Variants in BPTF observed in about 807,000 individuals in gnomAD.
The protein encoded by BPTF is bromodomain PHD finger transcription factor, also known as nucleosome-remodeling factor subunit BPTF.
BPTF carries 18 observed loss-of-function variants against 292.5 expected under a neutral mutation model. That is an observed-to-expected ratio of 0.06 (90% CI 0.04 to 0.09). The LOEUF is 0.09. BPTF is among the 10% of genes least tolerant of loss of function. The pLI is 1.00. For synonymous variants in BPTF, 1,225 were observed against 1,251.9 expected (o/e 0.98, Z 0.45); for missense variants, 2,726 against 3,498.7 (o/e 0.78, Z 5.57).
intron 7 of BPTF, among the ~76,000 whole-genome samples, chr17:67,896,213 T>C (rs539539473): frequency 6.8e-4 from 104 of 152,170 alleles, no homozygotes; most frequent in East Asian, 4.6e-3. Context: ...CCGCCCGCCT[T>C]GGCCTCCCAA....
chr17:67,909,854 C>T (rs1487036882), intron 10 of BPTF, 93 bp downstream of exon 10: 3 of 1,047,218 alleles, frequency 2.9e-6, no homozygotes, highest in East Asian at 2.8e-5. Flanking sequence ...GTTGTGTTTT[C>T]TTGATAACAG....
At chr17:67,832,089 CA>C (rs1262392641) in intron 1 of BPTF, among the ~76,000 whole-genome samples, 6 of 151,958 alleles carry the variant, frequency 3.9e-5, no homozygotes, top group African/African-American at 1.5e-4. Context: ...AGGGTTTCAC[CA>C]TATTGGCCAG....
chr17:67,873,486 C>T (rs1395144538), intron 3 of BPTF, among the ~76,000 whole-genome samples: 1 of 150,654 alleles, frequency 6.6e-6, no homozygotes, highest in South Asian at 2.1e-4. Flanking sequence ...AAAAGAAAAA[C>T]CGTGTTTCTT....
chr17:67,946,622 TTAAC>T (rs1159911656), intron 21 of BPTF, among the ~76,000 whole-genome samples: 5 of 152,354 alleles, frequency 3.3e-5, no homozygotes, highest in South Asian at 4.1e-4. Context: ...ACTTGAGGGT[TTAAC>T]TAAGTTTTAA....
intron 4 of BPTF, among the ~76,000 whole-genome samples, chr17:67,883,680 A>T (rs977090237): frequency 1.5e-4 from 22 of 151,626 alleles, no homozygotes; most frequent in Non-Finnish European, 2.2e-4. Context: ...GCTCACAGCA[A>T]CCTCCGCCCC....
At chr17:67,860,551 C>T (rs1214083544) in intron 2 of BPTF, among the ~76,000 whole-genome samples, 1 of 152,208 alleles carries the variant, frequency 6.6e-6, no homozygotes, top group Non-Finnish European at 1.5e-5. Context: ...GCATATAACT[C>T]AGAGGCCAGT....
At chr17:67,913,824 A>C (rs1598616489) in intron 11 of BPTF, among the ~76,000 whole-genome samples, 1 of 152,200 alleles carries the variant, frequency 6.6e-6, no homozygotes, top group South Asian at 2.1e-4. Context: ...AAAATCATGT[A>C]GTTTTATGTT....
intron 3 of BPTF, among the ~76,000 whole-genome samples, chr17:67,871,986 T>G (rs1051262218): frequency 2.6e-5 from 4 of 151,976 alleles, no homozygotes; most frequent in Non-Finnish European, 5.9e-5. Context: ...CCACCACACC[T>G]GGCTAATTTT....
At chr17:67,826,848 A>C (rs912665352) in intron 1 of BPTF, among the ~76,000 whole-genome samples, 3 of 152,218 alleles carry the variant, frequency 2.0e-5, no homozygotes, top group Non-Finnish European at 4.4e-5. Context: ...ACACGCACAA[A>C]AAAATGCGTT....
chr17:67,865,094 C>G (rs888821513), intron 2 of BPTF, among the ~76,000 whole-genome samples: 6 of 152,168 alleles, frequency 3.9e-5, no homozygotes, highest in African/African-American at 1.4e-4. Context: ...GTATGAGCCA[C>G]TGTGCCCAGC....
At chr17:67,844,019 C>T (rs1399579412) in intron 1 of BPTF, among the ~76,000 whole-genome samples, 3 of 150,232 alleles carry the variant, frequency 2.0e-5, no homozygotes, top group Non-Finnish European at 3.0e-5. Flanking sequence ...CCCACCTCAG[C>T]CTCCCAAAGT....
chr17:67,854,317 C>T lies in BPTF; in HGVS notation c.991C>T (p.Arg331Trp). 11 of 1,614,158 alleles carry T rather than the reference C, an allele frequency of 6.8e-6. No homozygotes were observed. The highest frequency in any genetic ancestry group is 8.5e-6 in the Non-Finnish European group (10 of 1,180,046). ...TGGGATGACGTGGCCAGAGGTGCTG[C>T]GGGTGTACTGTGAGAGTGATAAGGA... ...IDGMTWPEVL[R>W]VYCESDKEYH... The change falls in exon 2 of 28, where the codon CGG becomes TGG. Residue 331 changes from arginine (R) to tryptophan (W), a missense_variant. Coordinates refer to ENST00000306378, the MANE Select transcript of BPTF (RefSeq NM_182641.4). The surrounding 1 kb of genome is among the most constrained non-coding windows in gnomAD (Gnocchi z 5.6).
chr17:67,863,819 G>T (rs757639983), intron 2 of BPTF, among the ~76,000 whole-genome samples: 4 of 152,134 alleles, frequency 2.6e-5, no homozygotes, highest in Non-Finnish European at 5.9e-5. Flanking sequence ...ATTTCTATGG[G>T]TTTGTTTAGA....
At chr17:67,937,857 G>A (rs1256983805) in intron 18 of BPTF, among the ~76,000 whole-genome samples, 1 of 152,202 alleles carries the variant, frequency 6.6e-6, no homozygotes, top group Non-Finnish European at 1.5e-5. Flanking sequence ...GCTCATGCCT[G>A]TAATCCCAGC....
At chr17:67,909,272 C>CT (rs1469599540) in intron 9 of BPTF, among the ~76,000 whole-genome samples, 1 of 85,618 alleles carries the variant, frequency 1.2e-5, no homozygotes, top group African/African-American at 4.3e-5. Context: ...ACCAGGTCCC[C>CT]CCCCCCCTTT....
chr17:67,920,236 C>G lies in BPTF; in HGVS notation c.5557+93C>G, dbSNP rs74406086. On this transcript the variant is annotated intron_variant, in intron 13 of 27. Coordinates refer to ENST00000306378, the MANE Select transcript of BPTF (RefSeq NM_182641.4). ...ATATAATTTTTTCTTCTCTGTTCAC[C>G]TTTTAAAAAAGACATATTTTACAAC... 5,500 of 1,415,824 alleles carry G rather than the reference C, an allele frequency of 3.9e-3. 123 individuals carry two copies. The African/African-American group carries it at 0.055, about 14-fold the overall frequency. The allele number at this position is 1,415,824 out of a possible 1,614,324, so 87.7% of individuals were successfully genotyped here.
intron 9 of BPTF, among the ~76,000 whole-genome samples, chr17:67,908,692 G>A (rs2062413574): frequency 1.3e-5 from 2 of 150,890 alleles, no homozygotes; most frequent in African/African-American, 4.9e-5. Flanking sequence ...GTTTCACCAT[G>A]TTGGCTAGGC....
chr17:67,853,114 C>T (rs562014543), intron 1 of BPTF, among the ~76,000 whole-genome samples: 9 of 152,220 alleles, frequency 5.9e-5, no homozygotes, highest in Middle Eastern at 3.4e-3. Context: ...CCAGCCTAGG[C>T]GACGGCTGTA....
In BPTF at chr17:67,964,350, G is replaced by C; in HGVS notation, c.8400G>C (p.Thr2800=). ...QSTEDAMTVL[T]PLTEKDYEGL... is the part of the protein sequence containing the mutation. ...CAGAGGATGCCATGACAGTGCTCACGCCACTAACAGAGAAGGATTATGAGG... is the reference window on the plus strand; with the variant it reads ...CAGAGGATGCCATGACAGTGCTCACCCCACTAACAGAGAAGGATTATGAGG... Residue 2800 remains threonine, a synonymous_variant, in exon 25 of 28, where the codon ACG becomes ACC. Transcript: ENST00000306378. 1 of 1,614,182 alleles carries C rather than the reference G, an allele frequency of 6.2e-7. No homozygotes were observed. The highest frequency in any genetic ancestry group is 8.5e-7 in the Non-Finnish European group (1 of 1,180,032).
Sources: gnomAD v4.1 joint callset for allele counts (sites outside exome capture counted in the v4.1 genomes callset) on GRCh38, gnomAD v4.1.1 for gene constraint, Gnocchi (gnomAD v3.1) non-coding constraint, MANE v1.5 for transcripts, NCBI Gene and HGNC (gene_info 2026-07-23, HGNC 2026-07-21) for gene names.